PPM1H: variants seen among roughly 807,000 people sequenced by gnomAD.
The protein encoded by PPM1H is protein phosphatase, Mg2+/Mn2+ dependent 1H, also known as protein phosphatase 1H.
In PPM1H, 27 loss-of-function variants were observed where a neutral mutation model predicts 54.9. That is an observed-to-expected ratio of 0.49 (90% CI 0.36 to 0.68). The LOEUF (loss-of-function observed/expected upper bound fraction) is 0.68, where lower values mean the gene tolerates loss of function less well. Among genes scored for constraint, PPM1H ranks in the 30% least tolerant of loss-of-function variants. The pLI is 0.00. For missense variants in PPM1H, 596 were observed against 667.8 expected, an observed-to-expected ratio of 0.89 and a Z score of 1.19; for synonymous variants, 305 against 270.8, an observed-to-expected ratio of 1.13 and a Z score of -1.24.
chr12:62,708,491 G>A (rs190702625), intron 6 of PPM1H, among the ~76,000 whole-genome samples: 1 of 152,298 alleles, frequency 6.6e-6, no homozygotes, highest in Non-Finnish European at 1.5e-5. Flanking sequence ...AATTTATCAA[G>A]CTCTGGTAAG....
At chr12:62,916,246 C>T (rs77512953) in intron 1 of PPM1H, among the ~76,000 whole-genome samples, 4 of 152,146 alleles carry the variant, frequency 2.6e-5, no homozygotes, top group South Asian at 2.1e-4. Flanking sequence ...TTCTGTCAAC[C>T]GAGCTGAAAT....
intron 1 of PPM1H, among the ~76,000 whole-genome samples, chr12:62,875,599 T>A (rs1235803307): frequency 6.6e-6 from 1 of 152,172 alleles, no homozygotes; most frequent in African/African-American, 2.4e-5. Flanking sequence ...ATGGAGTATT[T>A]CTGGTGCTTG....
At chr12:62,740,994 G>A (rs893144621) in intron 4 of PPM1H, among the ~76,000 whole-genome samples, 1 of 152,156 alleles carries the variant, frequency 6.6e-6, no homozygotes, top group African/African-American at 2.4e-5. Context: ...TGCTCGGCCT[G>A]GAACAGCCAA....
intron 1 of PPM1H, among the ~76,000 whole-genome samples, chr12:62,915,096 G>A (rs1871578507): frequency 6.6e-6 from 1 of 152,154 alleles, no homozygotes; most frequent in Non-Finnish European, 1.5e-5. Flanking sequence ...GACATACAAG[G>A]GCGTTCACAA....
In PPM1H at chr12:62,648,280, T is replaced by A. The variant is rs1005930931; in HGVS notation, c.*209A>T. 4 of 566,338 alleles carry A rather than the reference T, an allele frequency of 7.1e-6. No homozygotes were observed. Among genetic ancestry groups the A allele is most frequent in the Non-Finnish European group, 1.2e-5 (4 of 326,010 alleles). 35.1% of individuals were successfully genotyped at this position (566,338 alleles called of 1,614,324 possible). A position where few individuals can be genotyped will look rare whatever the true frequency, so the allele number is the denominator to read the frequency against. On this transcript the variant is annotated 3_prime_UTR_variant, in exon 10 of 10. Coordinates refer to ENST00000228705, the MANE Select transcript of PPM1H (RefSeq NM_020700.2). ...ACAACACTTGGTAGCAGCCTTTGTG[T>A]TTTGCTCTTGTTGAGTTGACCTGTT... is the stretch of plus-strand genomic sequence containing the variant.
At chr12:62,770,819 G>A (rs1264263808) in intron 4 of PPM1H, among the ~76,000 whole-genome samples, 1 of 152,116 alleles carries the variant, frequency 6.6e-6, no homozygotes, top group East Asian at 1.9e-4. Flanking sequence ...CCACAGTAGG[G>A]AAAGCGTTCC....
intron 4 of PPM1H, among the ~76,000 whole-genome samples, chr12:62,768,596 A>T (rs2076559040): frequency 6.6e-6 from 1 of 152,060 alleles, no homozygotes; most frequent in Non-Finnish European, 1.5e-5. Flanking sequence ...TGGAGGTTGC[A>T]GTGAGCCGAG....
chr12:62,780,965 G>A (rs2076638502), intron 4 of PPM1H, among the ~76,000 whole-genome samples: 1 of 152,208 alleles, frequency 6.6e-6, no homozygotes, highest in South Asian at 2.1e-4. Context: ...TGAACTTCAT[G>A]AGACTTCCCA....
chr12:62,698,263 C>T (rs967266294), intron 6 of PPM1H, among the ~76,000 whole-genome samples: 1 of 152,116 alleles, frequency 6.6e-6, no homozygotes, highest in South Asian at 2.1e-4. Context: ...CAGAAAGTCA[C>T]TGTCCTAGGA....
At chr12:62,832,088 G>T in intron 2 of PPM1H, 26 bp downstream of exon 2, 1 of 1,610,200 alleles carries the variant, frequency 6.2e-7, no homozygotes, top group South Asian at 1.1e-5. Context: ...TCTCACCTGA[G>T]AACCAAGGAT....
chr12:62,839,528 G>T (rs1868641420), intron 1 of PPM1H, among the ~76,000 whole-genome samples: 1 of 152,068 alleles, frequency 6.6e-6, no homozygotes, highest in South Asian at 2.1e-4. Flanking sequence ...ACTCCCGCGA[G>T]ATAGGACATG....
intron 4 of PPM1H, chr12:62,756,213 C>A (rs2076473342): frequency 3.6e-6 from 3 of 832,920 alleles, no homozygotes; most frequent in Admixed American, 1.7e-5. Flanking sequence ...CCTCATGGCC[C>A]ACATGACTTC....
At chr12:62,778,612 A>G (rs1490657448) in intron 4 of PPM1H, among the ~76,000 whole-genome samples, 1 of 152,220 alleles carries the variant, frequency 6.6e-6, no homozygotes, top group Admixed American at 6.5e-5. Flanking sequence ...GGAAAGAGAC[A>G]AAAATGAAAA....
intron 1 of PPM1H, among the ~76,000 whole-genome samples, chr12:62,862,993 C>G (rs1201549658): frequency 6.6e-6 from 1 of 152,102 alleles, no homozygotes; most frequent in Non-Finnish European, 1.5e-5. Flanking sequence ...TTATATTATA[C>G]AGCATTGCTT....
At chr12:62,660,931 G>C (rs917606019) in intron 9 of PPM1H, among the ~76,000 whole-genome samples, 1 of 152,174 alleles carries the variant, frequency 6.6e-6, no homozygotes, top group African/African-American at 2.4e-5. Flanking sequence ...TTTGCAGAAT[G>C]CTTCCTGGTT....
At chr12:62,652,893 T>A (rs1004097071) in intron 9 of PPM1H, among the ~76,000 whole-genome samples, 1 of 151,582 alleles carries the variant, frequency 6.6e-6, no homozygotes, top group Non-Finnish European at 1.5e-5. Flanking sequence ...TCCATTGAAT[T>A]ACATTTTTAG....
At chr12:62,772,821 A>T (rs79642459) in intron 4 of PPM1H, among the ~76,000 whole-genome samples, 2 of 152,176 alleles carry the variant, frequency 1.3e-5, no homozygotes, top group Non-Finnish European at 2.9e-5. Context: ...GGCAGGCAGT[A>T]GTAGCGGGAG....
chr12:62,766,379 T>C (rs896213758), intron 4 of PPM1H, among the ~76,000 whole-genome samples: 2 of 151,962 alleles, frequency 1.3e-5, no homozygotes, highest in African/African-American at 4.8e-5. Context: ...TAAAAATATA[T>C]GTGGAAAATA....
intron 6 of PPM1H, among the ~76,000 whole-genome samples, chr12:62,710,772 CCTTT>C (rs1417687829): frequency 6.6e-6 from 1 of 152,162 alleles, no homozygotes; most frequent in African/African-American, 2.4e-5. Context: ...AAACTGCCTT[CCTTT>C]GTCTTTTTGT....
Sources: allele counts gnomAD v4.1 joint callset (sites outside exome capture counted in the v4.1 genomes callset), GRCh38; gene constraint gnomAD v4.1.1; transcripts MANE v1.5; gene names NCBI Gene and HGNC (gene_info 2026-07-23, HGNC 2026-07-21).